Variants in CASP6 observed in about 807,000 individuals in gnomAD.
CASP6 encodes the protein caspase 6.
CASP6 carries 20 observed loss-of-function variants against 31.8 expected under a neutral mutation model. The observed-to-expected ratio is 0.63, with a 90% CI of 0.44 to 0.91. The LOEUF (loss-of-function observed/expected upper bound fraction) is 0.91. Ranked by LOEUF, CASP6 falls within the 40% of genes least tolerant of loss-of-function variation. The probability of loss-of-function intolerance (pLI) is 0.00; values close to 1 mark genes in which losing one functional copy is unlikely to be tolerated. For synonymous variants in CASP6, 130 were observed against 127.8 expected (o/e 1.02, Z -0.12); for missense variants, 328 against 361.1 (o/e 0.91, Z 0.74).
chr4:109,708,407 T>C (rs1414950794), upstream of CASP6, among the ~76,000 whole-genome samples: 2 of 152,256 alleles, frequency 1.3e-5, no homozygotes, highest in Non-Finnish European at 2.9e-5. Context: ...CATCTTGTTG[T>C]ACTCGTTGGA....
the CASP6 span, chr4:109,681,375 C>A: frequency 2.4e-6 from 1 of 416,556 alleles, no homozygotes. Flanking sequence ...CTGGTGCAGT[C>A]TCCAAGCTGA....
chr4:109,680,438 A>G, the CASP6 span, among the ~76,000 whole-genome samples: 1 of 152,154 alleles, frequency 6.6e-6, no homozygotes, highest in Non-Finnish European at 1.5e-5. Context: ...AGTTGAGTTC[A>G]GTTCACGCTG....
chr4:109,668,654 A>G, the CASP6 span, among the ~76,000 whole-genome samples: 1 of 151,402 alleles, frequency 6.6e-6, no homozygotes, highest in East Asian at 1.9e-4. Context: ...ACTGATATAC[A>G]TAATATCTAC....
the CASP6 span, among the ~76,000 whole-genome samples, chr4:109,709,248 T>A: frequency 6.6e-6 from 1 of 152,204 alleles, no homozygotes; most frequent in Non-Finnish European, 1.5e-5. Flanking sequence ...CCAGACCTAC[T>A]GAATCAGAAA....
intron 1 of CASP6, 41 bp downstream of exon 1, chr4:109,703,315 A>G (rs1383835675): frequency 6.3e-7 from 1 of 1,592,204 alleles, no homozygotes; most frequent in Admixed American, 1.8e-5. Flanking sequence ...CCGGAGCAAG[A>G]CGCAGACCTG....
intron 1 of CASP6, among the ~76,000 whole-genome samples, chr4:109,700,071 A>G (rs1402137144): frequency 2.0e-5 from 3 of 152,210 alleles, no homozygotes; most frequent in African/African-American, 7.2e-5. Flanking sequence ...CTGACTGCTG[A>G]GCCGAAGGCG....
chr4:109,681,397 AG>A, the CASP6 span: 1 of 443,616 alleles, frequency 2.3e-6, no homozygotes, highest in South Asian at 1.6e-5. Context: ...AAGGGTCTAA[AG>A]TTGTCTCTGG....
At chr4:109,681,922 G>A in the CASP6 span, among the ~76,000 whole-genome samples, 3 of 152,366 alleles carry the variant, frequency 2.0e-5, no homozygotes, top group East Asian at 5.8e-4. Context: ...GCTCCCATAC[G>A]AAGGGAGGGG....
chr4:109,669,135 G>A, the CASP6 span, among the ~76,000 whole-genome samples: 1 of 152,030 alleles, frequency 6.6e-6, no homozygotes, highest in Non-Finnish European at 1.5e-5. Flanking sequence ...CTTTCTTTCT[G>A]TAGAGCTAAA....
At chr4:109,673,996 G>A in the CASP6 span, 3 of 1,043,178 alleles carry the variant, frequency 2.9e-6, no homozygotes, top group African/African-American at 1.6e-5. Flanking sequence ...GAAGAGCAGG[G>A]GAAATACTAA....
In CASP6 at chr4:109,688,773, AAAT is replaced by A. The variant is rs1167283170; in HGVS notation, c.*554_*556del. 1.3e-5 allele frequency: 2 copies of A among 152,180 alleles called. No individual in the cohort carries two copies. The highest frequency in any genetic ancestry group is 2.4e-5 in the African/African-American group (1 of 41,464). The allele number at this position is 152,180 out of a possible 1,614,324, so 9.4% of individuals were successfully genotyped here. A position where few individuals can be genotyped will look rare whatever the true frequency, so the allele number is the denominator to read the frequency against. ...TTGTGTAACCCTGCAGTTTATTAAA[AAAT>A]AATACAAATGCTTATAAATTTTTAT... On this transcript the variant is annotated 3_prime_UTR_variant, in exon 7 of 7. Coordinates refer to ENST00000265164, the MANE Select transcript of CASP6 (RefSeq NM_001226.4).
the CASP6 span, among the ~76,000 whole-genome samples, chr4:109,667,652 TAATA>T: frequency 4.4e-4 from 66 of 150,600 alleles, no homozygotes; most frequent in Admixed American, 1.5e-3. Flanking sequence ...ATACTCTACA[TAATA>T]AATATTCTAC....
intron 1 of CASP6, among the ~76,000 whole-genome samples, chr4:109,701,802 G>A (rs970144847): frequency 1.3e-5 from 2 of 152,190 alleles, no homozygotes; most frequent in Non-Finnish European, 2.9e-5. Flanking sequence ...AACAGGGACA[G>A]AGAAAGTGGG....
downstream of CASP6, chr4:109,684,716 C>A (rs1303946475): frequency 1.4e-6 from 1 of 737,534 alleles, no homozygotes; most frequent in Non-Finnish European, 2.3e-6. Context: ...AAGCAATGAG[C>A]AAAAAAGCCT....
chr4:109,665,797 T>G, the CASP6 span, among the ~76,000 whole-genome samples: 1 of 152,126 alleles, frequency 6.6e-6, no homozygotes, highest in Non-Finnish European at 1.5e-5. Flanking sequence ...CAGATTCGCT[T>G]CTTTCTTTCT....
At chr4:109,681,320 GGTTAAA>G in the CASP6 span, 1 of 294,176 alleles carries the variant, frequency 3.4e-6, no homozygotes, top group East Asian at 1.1e-4. Flanking sequence ...CAAATAAGTT[GGTTAAA>G]GGTAGTCAAA....
chr4:109,672,737 T>TA, the CASP6 span, among the ~76,000 whole-genome samples: 12 of 152,206 alleles, frequency 7.9e-5, no homozygotes, highest in South Asian at 2.1e-4. Context: ...AAATTTCTGT[T>TA]AAAAAAAGTC....
chr4:109,684,387 G>C (rs1474176751), downstream of CASP6: 1 of 1,397,740 alleles, frequency 7.2e-7, no homozygotes, highest in Non-Finnish European at 9.8e-7. Flanking sequence ...CTTGCTTTTT[G>C]TCCCTTTAGT....
chr4:109,674,454 G>A, the CASP6 span, among the ~76,000 whole-genome samples: 1 of 152,212 alleles, frequency 6.6e-6, no homozygotes, highest in African/African-American at 2.4e-5. Context: ...GGTACTCCCA[G>A]TTTGCTGCAG....
Sources: gnomAD v4.1 joint callset for allele counts (sites outside exome capture counted in the v4.1 genomes callset) on GRCh38, gnomAD v4.1.1 for gene constraint, MANE v1.5 for transcripts, NCBI Gene and HGNC (gene_info 2026-07-23, HGNC 2026-07-21) for gene names.